Variants in FCER1A observed in about 807,000 individuals in gnomAD.
FCER1A encodes Fc epsilon receptor Ia, also known as high affinity immunoglobulin epsilon receptor subunit alpha.
In FCER1A, 24 loss-of-function variants were observed where a neutral mutation model predicts 23.6. The ratio of observed to expected loss-of-function variants is 1.02; its 90% CI spans 0.74 to 1.43. The LOEUF is 1.43. FCER1A is among the 40% of genes most tolerant of loss of function. The pLI is 0.00. For synonymous variants in FCER1A, 121 were observed against 108.8 expected, an observed-to-expected ratio of 1.11 and a Z score of -0.70; for missense variants, 318 against 294.5, an observed-to-expected ratio of 1.08 and a Z score of -0.58.
At chr1:159,294,978 T>C (rs1037854434) in intron 1 of FCER1A, among the ~76,000 whole-genome samples, 19 of 152,218 alleles carry the variant, frequency 1.2e-4, no homozygotes, top group African/African-American at 3.9e-4. Context: ...TTTAATGAGA[T>C]AGCCCTTGAT....
chr1:159,285,423 AAGGCTTAATT>A (rs2102209411), upstream of FCER1A, among the ~76,000 whole-genome samples: 1 of 152,206 alleles, frequency 6.6e-6, no homozygotes, highest in South Asian at 2.1e-4. Context: ...ATTAGTTTTA[AAGGCTTAATT>A]AGATTCAGGT....
At chr1:159,307,618 T>C in intron 4 of FCER1A, 130 bp from the exon 5 acceptor site, 1 of 645,196 alleles carries the variant, frequency 1.5e-6, no homozygotes. Context: ...TCTGTGCTTC[T>C]GGATGCCACA....
rs978268360 is a variant in FCER1A at position 159,291,831 on chromosome 1, T to G, written c.-60+2078T>G. On this transcript the variant is annotated intron_variant, in intron 1 of 5. Transcript: ENST00000368115. The stretch of plus-strand genomic sequence containing the variant: ...CTTTTTTAGCCCACTTCAGTTTGCT[T>G]TTTACACATATTACTCCACTGCCAT... 1.2e-4 allele frequency among the ~76,000 whole-genome samples: 18 copies of G among 152,222 alleles called. 1 individual carries two copies. Among genetic ancestry groups the G allele is most frequent in the African/African-American group, 4.3e-4 (18 of 41,554 alleles).
Position 159,306,330 on chromosome 1 carries a change from AG to A in FCER1A, c.589+91del, listed in dbSNP as rs746933368. The A allele has an allele frequency of 1.5e-4, 198 of 1,358,516 alleles. 1 individual carries two copies. The highest frequency in any genetic ancestry group is 1.7e-4 in the Non-Finnish European group (167 of 985,962). 84.2% of individuals were successfully genotyped at this position (1,358,516 alleles called of 1,614,324 possible). On this transcript the variant is annotated intron_variant, in intron 4 of 4. Coordinates refer to ENST00000693622, the MANE Select transcript of FCER1A (RefSeq NM_001387280.1). Reference sequence around the variant, plus strand: ...AGCCTGAGCAGTTGCAGCTTGTAGAAGGGGGGCACCTGTGATACACTGGAAA... The same window carrying A: ...AGCCTGAGCAGTTGCAGCTTGTAGAAGGGGGCACCTGTGATACACTGGAAA...
At chr1:159,286,569 T>A (rs1652025471), upstream of FCER1A, among the ~76,000 whole-genome samples, 1 of 152,196 alleles carries the variant, frequency 6.6e-6, no homozygotes, top group South Asian at 2.1e-4. Flanking sequence ...CCTGACCTTG[T>A]GATCCGCCCG....
At chr1:159,303,429 T>C (rs1036471431) in intron 2 of FCER1A, among the ~76,000 whole-genome samples, 13 of 149,762 alleles carry the variant, frequency 8.7e-5, no homozygotes, top group Non-Finnish European at 1.7e-4. Context: ...CATATGTTTT[T>C]CACTCTGTAT....
upstream of FCER1A, among the ~76,000 whole-genome samples, chr1:159,299,512 T>C (rs1404886268): frequency 6.6e-6 from 1 of 152,172 alleles, no homozygotes; most frequent in African/African-American, 2.4e-5. Flanking sequence ...TGTACAGCCA[T>C]TTGTTTCATT....
At chr1:159,299,549 G>A (rs1391558243), upstream of FCER1A, among the ~76,000 whole-genome samples, 1 of 152,156 alleles carries the variant, frequency 6.6e-6, no homozygotes, top group East Asian at 1.9e-4. Context: ...ATGAAATATA[G>A]ATTAAGGCTC....
upstream of FCER1A, among the ~76,000 whole-genome samples, chr1:159,297,731 T>G (rs938296586): frequency 5.3e-5 from 8 of 152,146 alleles, no homozygotes; most frequent in South Asian, 8.3e-4. Flanking sequence ...TTTTAAAAAT[T>G]TAGTGTGATA....
At chr1:159,297,054 G>A (rs1652310828) in intron 1 of FCER1A, among the ~76,000 whole-genome samples, 1 of 152,132 alleles carries the variant, frequency 6.6e-6, no homozygotes, top group African/African-American at 2.4e-5. Context: ...GGCCTAAAAG[G>A]ATTCCTTTAA....
chr1:159,304,909 T>G (rs1207156120), intron 3 of FCER1A, among the ~76,000 whole-genome samples: 1 of 135,674 alleles, frequency 7.4e-6, no homozygotes, highest in African/African-American at 2.5e-5. Flanking sequence ...CTCTTCGTTA[T>G]GAAACATATC....
At chr1:159,307,683 C>T in intron 4 of FCER1A, 65 bp from the exon 5 acceptor site, 1 of 1,270,298 alleles carries the variant, frequency 7.9e-7, no homozygotes, top group East Asian at 2.3e-5. Flanking sequence ...GGATGAAACT[C>T]TGAACCTCAT....
At chr1:159,289,944 T>A (rs1236446027) in intron 1 of FCER1A, among the ~76,000 whole-genome samples, 1 of 152,202 alleles carries the variant, frequency 6.6e-6, no homozygotes, top group Non-Finnish European at 1.5e-5. Flanking sequence ...GAACACTACC[T>A]CATAAGTGGA....
At chr1:159,292,458 C>A (rs538688586) in intron 1 of FCER1A, among the ~76,000 whole-genome samples, 10 of 152,226 alleles carry the variant, frequency 6.6e-5, no homozygotes, top group African/African-American at 9.6e-5. Flanking sequence ...TCTGTGCCCT[C>A]CAATCTGTCA....
At chr1:159,304,413 AC>A (rs1652536715) in intron 3 of FCER1A, among the ~76,000 whole-genome samples, 1 of 152,070 alleles carries the variant, frequency 6.6e-6, no homozygotes, top group African/African-American at 2.4e-5. Flanking sequence ...CATCCGGCTA[AC>A]ATGGTGAAAC....
chr1:159,302,938 A>G lies in FCER1A; in HGVS notation c.76+64A>G, dbSNP rs569644449. 1.8e-4 allele frequency: 265 copies of G among 1,464,824 alleles called. 4 individuals carry two copies. The highest frequency in any genetic ancestry group is 1.4e-4 in the Non-Finnish European group (146 of 1,043,882). 90.7% of individuals were successfully genotyped at this position (1,464,824 alleles called of 1,614,324 possible). On this transcript the variant is annotated intron_variant, in intron 2 of 4. Transcript: ENST00000693622. ...GTCTGGGCATTGCTTTCCTCTCACT[A>G]TTTTCTTCGTCCCATCACTTCTGCT...
intron 3 of FCER1A, among the ~76,000 whole-genome samples, chr1:159,304,609 AAAAT>A (rs1375849194): frequency 1.3e-5 from 2 of 152,198 alleles, no homozygotes; most frequent in East Asian, 3.9e-4. Flanking sequence ...TCCGTCTCAA[AAAAT>A]AAATAAATAA....
chr1:159,299,771 T>C (rs1183063638), upstream of FCER1A, among the ~76,000 whole-genome samples: 1 of 152,166 alleles, frequency 6.6e-6, no homozygotes, highest in Admixed American at 6.6e-5. Context: ...AAGGACTTTT[T>C]TTTTTATATA....
intron 1 of FCER1A, among the ~76,000 whole-genome samples, chr1:159,295,972 A>G (rs1652284234): frequency 6.6e-6 from 1 of 152,212 alleles, no homozygotes; most frequent in Admixed American, 6.5e-5. Flanking sequence ...TTATATTTCT[A>G]GTTTGTCTAT....
Sources: gnomAD v4.1 joint callset for allele counts (sites outside exome capture counted in the v4.1 genomes callset) on GRCh38, gnomAD v4.1.1 for gene constraint, MANE v1.5 for transcripts, NCBI Gene and HGNC (gene_info 2026-07-23, HGNC 2026-07-21) for gene names.